Variants in CA10 observed in about 807,000 individuals in gnomAD.
CA10 encodes the protein carbonic anhydrase 10 (inactive).
In CA10, 14 loss-of-function variants were observed where a neutral mutation model predicts 44.2. That is an observed-to-expected ratio of 0.32 (90% CI 0.21 to 0.50). The LOEUF is 0.50. Among genes scored for constraint, CA10 ranks in the 20% least tolerant of loss-of-function variants. The probability of loss-of-function intolerance (pLI) is 0.99; values close to 1 mark genes in which losing one functional copy is unlikely to be tolerated. For missense variants in CA10, 350 were observed against 409.7 expected (o/e 0.85, Z 1.26); for synonymous variants, 159 against 141.6 (o/e 1.12, Z -0.87).
intron 3 of CA10, among the ~76,000 whole-genome samples, chr17:51,772,745 A>G (rs1685614749): frequency 6.6e-6 from 1 of 152,136 alleles, no homozygotes; most frequent in Admixed American, 6.5e-5. Context: ...GATACATGGT[A>G]TTAGCCTCAT....
intron 3 of CA10, among the ~76,000 whole-genome samples, chr17:51,806,775 A>C (rs1907155650): frequency 6.6e-6 from 1 of 152,260 alleles, no homozygotes; most frequent in Admixed American, 6.5e-5. Context: ...TTCCATCAGC[A>C]CAAGGAATAT....
intron 4 of CA10, among the ~76,000 whole-genome samples, chr17:51,670,990 G>T (rs1458884819): frequency 6.6e-6 from 1 of 152,142 alleles, no homozygotes; most frequent in Non-Finnish European, 1.5e-5. Flanking sequence ...TCAGACTTAG[G>T]GGGTGGCTAA....
At chr17:51,907,357 C>T (rs1487461370) in intron 3 of CA10, among the ~76,000 whole-genome samples, 1 of 152,118 alleles carries the variant, frequency 6.6e-6, no homozygotes, top group African/African-American at 2.4e-5. Flanking sequence ...GTTGGCTCCT[C>T]TTCCTTCAGT....
At chr17:51,935,732 C>G (rs186141141) in intron 2 of CA10, among the ~76,000 whole-genome samples, 9 of 152,250 alleles carry the variant, frequency 5.9e-5, no homozygotes, top group Admixed American at 5.9e-4. Flanking sequence ...AAATCATGAG[C>G]CTTGGCAAAC....
intron 4 of CA10, among the ~76,000 whole-genome samples, chr17:51,678,965 G>T (rs960499171): frequency 1.3e-5 from 2 of 152,146 alleles, no homozygotes; most frequent in Non-Finnish European, 2.9e-5. Context: ...GAAGGACAAG[G>T]ATTGACTGTA....
chr17:51,736,635 G>A (rs1351211760), intron 4 of CA10, among the ~76,000 whole-genome samples: 1 of 152,178 alleles, frequency 6.6e-6, no homozygotes, highest in Non-Finnish European at 1.5e-5. Flanking sequence ...TAGATCCAAA[G>A]CAAGATGACG....
intron 4 of CA10, among the ~76,000 whole-genome samples, chr17:51,721,222 C>T (rs1916339286): frequency 6.6e-6 from 1 of 152,056 alleles, no homozygotes; most frequent in Non-Finnish European, 1.5e-5. Context: ...ATCCCAGCTA[C>T]TGGGGAGGCT....
intron 1 of CA10, among the ~76,000 whole-genome samples, chr17:52,148,427 C>T (rs561516382): frequency 1.3e-5 from 2 of 152,308 alleles, no homozygotes; most frequent in South Asian, 4.1e-4. Flanking sequence ...ACATTTTAAA[C>T]AACTATAAGT....
chr17:52,040,677 C>T (rs1482753168), intron 2 of CA10, among the ~76,000 whole-genome samples: 1 of 152,104 alleles, frequency 6.6e-6, no homozygotes, highest in Non-Finnish European at 1.5e-5. Flanking sequence ...GATCAAAGCA[C>T]AGAGAGGGAG....
intron 4 of CA10, among the ~76,000 whole-genome samples, chr17:51,661,428 C>G (rs1274943387): frequency 1.3e-5 from 2 of 152,208 alleles, no homozygotes; most frequent in African/African-American, 4.8e-5. Flanking sequence ...CTGGTTTCAC[C>G]CTTGGGTCCC....
At chr17:51,955,307 A>C (rs553206876) in intron 2 of CA10, among the ~76,000 whole-genome samples, 1 of 152,236 alleles carries the variant, frequency 6.6e-6, no homozygotes, top group South Asian at 2.1e-4. Context: ...CAGAATGCTA[A>C]ACAGGTTGGA....
chr17:52,142,773 C>G (rs992556084), intron 1 of CA10, among the ~76,000 whole-genome samples: 14 of 151,702 alleles, frequency 9.2e-5, no homozygotes, highest in Non-Finnish European at 1.8e-4. Flanking sequence ...CCTCCTCAGG[C>G]CTCAGGAGCT....
In CA10 at chr17:52,118,757, T is replaced by C. The variant is rs150309717; in HGVS notation, c.61+38969A>G. ...AGGTTGATATTATGTTAAGTTATTG[T>C]AAACCACAGAGATAACCAAATTTCT... On this transcript the variant is annotated intron_variant, in intron 1 of 8. Coordinates refer to ENST00000451037, the MANE Select transcript of CA10 (RefSeq NM_020178.5). Among the ~76,000 whole-genome samples the C allele has an allele frequency of 3.3e-5, 5 of 152,338 alleles. No individual in the cohort carries two copies. The East Asian group carries it at 9.6e-4, about 29-fold the overall frequency.
intron 3 of CA10, among the ~76,000 whole-genome samples, chr17:51,803,671 C>T (rs1458077305): frequency 5.3e-5 from 8 of 152,274 alleles, no homozygotes; most frequent in Middle Eastern, 3.4e-3. Flanking sequence ...CTATCCTCTA[C>T]GACTCAGTTT....
intron 6 of CA10, among the ~76,000 whole-genome samples, chr17:51,642,830 A>T (rs1240971421): frequency 6.6e-6 from 1 of 152,100 alleles, no homozygotes; most frequent in Non-Finnish European, 1.5e-5. Context: ...TTTGGTACAG[A>T]CAGGGTTTCA....
At chr17:51,680,922 C>A (rs144695944) in intron 4 of CA10, among the ~76,000 whole-genome samples, 1 of 151,822 alleles carries the variant, frequency 6.6e-6, no homozygotes, top group Non-Finnish European at 1.5e-5. Context: ...ATTTCCCCCC[C>A]AACATTCCCA....
chr17:51,936,643 T>C (rs1555612499), intron 2 of CA10, among the ~76,000 whole-genome samples: 1 of 115,302 alleles, frequency 8.7e-6, no homozygotes, highest in East Asian at 3.2e-4. Context: ...CAGGAACAGA[T>C]GGCTCAGTGC....
chr17:51,817,749 G>A (rs140966784), intron 3 of CA10, among the ~76,000 whole-genome samples: 10 of 152,250 alleles, frequency 6.6e-5, no homozygotes, highest in African/African-American at 1.9e-4. Flanking sequence ...CTTTGCAGTG[G>A]TACATCCCTT....
chr17:51,705,584 G>A (rs1915738792), intron 4 of CA10, among the ~76,000 whole-genome samples: 1 of 152,074 alleles, frequency 6.6e-6, no homozygotes, highest in Non-Finnish European at 1.5e-5. Flanking sequence ...ACCCGGAGAT[G>A]AGGACAGGAA....
Sources: gnomAD v4.1 joint callset for allele counts (sites outside exome capture counted in the v4.1 genomes callset) on GRCh38, gnomAD v4.1.1 for gene constraint, MANE v1.5 for transcripts, NCBI Gene and HGNC (gene_info 2026-07-23, HGNC 2026-07-21) for gene names.